The following LRP6 variants were observed in gnomAD, a reference collection of about 807,000 sequenced individuals.
LRP6 encodes the protein low-density lipoprotein receptor-related protein 6.
A neutral mutation model predicts 184.1 loss-of-function variants in LRP6; 43 were observed. The ratio of observed to expected loss-of-function variants is 0.23; its 90% CI spans 0.18 to 0.30. The LOEUF (loss-of-function observed/expected upper bound fraction) is 0.30. Among genes scored for constraint, LRP6 ranks in the 10% least tolerant of loss-of-function variants. The probability of loss-of-function intolerance (pLI) is 1.00; values close to 1 mark genes in which losing one functional copy is unlikely to be tolerated. For synonymous variants in LRP6, 719 were observed against 684.9 expected (o/e 1.05, Z -0.78); for missense variants, 1,571 against 2,005.3 (o/e 0.78, Z 4.14).
chr12:12,249,033 TC>T, intron 1 of LRP6: 1 of 659,700 alleles, frequency 1.5e-6, no homozygotes, highest in South Asian at 1.6e-5. Context: ...CCTTGCAATT[TC>T]CCACTTTTGG....
chr12:12,180,103 A>G lies in LRP6; in HGVS notation c.1374-122T>C, dbSNP rs566421714. The G allele has an allele frequency of 1.8e-3, 581 of 318,164 alleles. 1 individual carries two copies. Among genetic ancestry groups the G allele is most frequent in the African/African-American group, 0.011 (455 of 42,130 alleles). 19.7% of individuals were successfully genotyped at this position (318,164 alleles called of 1,614,324 possible). ...TCATCAGTTAATGCCAAGGAAGGGG[A>G]AAAAAAAAAAAACATATGAAGAGGT... is the stretch of plus-strand genomic sequence containing the variant. On this transcript the variant is annotated intron_variant, in intron 6 of 22. Coordinates refer to ENST00000261349, the MANE Select transcript of LRP6 (RefSeq NM_002336.3).
At chr12:12,254,232 A>C (rs1178994701) in intron 1 of LRP6, among the ~76,000 whole-genome samples, 1 of 152,064 alleles carries the variant, frequency 6.6e-6, no homozygotes, top group Non-Finnish European at 1.5e-5. Context: ...GGCATCACTT[A>C]AATAACTCTG....
At chr12:12,124,478 G>T in intron 22 of LRP6, 87 bp downstream of exon 22, 2 of 887,834 alleles carry the variant, frequency 2.3e-6, no homozygotes, top group Non-Finnish European at 1.9e-6. Context: ...GGTGACCATC[G>T]TCTACTCATT....
intron 4 of LRP6, among the ~76,000 whole-genome samples, chr12:12,184,479 C>A (rs1047549512): frequency 1.3e-5 from 2 of 151,962 alleles, no homozygotes; most frequent in Non-Finnish European, 2.9e-5. Flanking sequence ...GGGAAAAAAA[C>A]CGCTGAGGTT....
chr12:12,260,664 C>T (rs1387420542), intron 1 of LRP6, among the ~76,000 whole-genome samples: 2 of 152,312 alleles, frequency 1.3e-5, no homozygotes, highest in East Asian at 3.9e-4. Context: ...ACTGTGCGTT[C>T]TACTACCCCT....
At chr12:12,252,756 T>C (rs911399039) in intron 1 of LRP6, among the ~76,000 whole-genome samples, 3 of 152,208 alleles carry the variant, frequency 2.0e-5, no homozygotes, top group Non-Finnish European at 2.9e-5. Flanking sequence ...TGCTATTATA[T>C]AGAAGTTAAC....
chr12:12,195,066 G>T (rs769747834), intron 3 of LRP6, among the ~76,000 whole-genome samples: 9 of 152,132 alleles, frequency 5.9e-5, no homozygotes, highest in African/African-American at 9.6e-5. Context: ...GTATTCCATT[G>T]TGTATATATA....
chr12:12,249,350 C>T lies in LRP6; in HGVS notation c.56-4695G>A, dbSNP rs1236846650. 5.5e-5 allele frequency: 63 copies of T among 1,137,702 alleles called. No individual in the cohort carries two copies. In the East Asian group the frequency reaches 1.4e-3, roughly 25 times the overall value. The allele number at this position is 1,137,702 out of a possible 1,614,324, so 70.5% of individuals were successfully genotyped here. A position where few individuals can be genotyped will look rare whatever the true frequency, so the allele number is the denominator to read the frequency against. ...AATTCACAGCACCAAAGTTGTCCTGCAAGAGCTTTGGCGCCTAATGGTGTC... is the reference window on the plus strand; with the variant it reads ...AATTCACAGCACCAAAGTTGTCCTGTAAGAGCTTTGGCGCCTAATGGTGTC... On this transcript the variant is annotated intron_variant, in intron 1 of 22. Coordinates refer to ENST00000261349, the MANE Select transcript of LRP6 (RefSeq NM_002336.3).
At chr12:12,213,377 A>AT (rs1186949678) in intron 2 of LRP6, among the ~76,000 whole-genome samples, 1 of 151,740 alleles carries the variant, frequency 6.6e-6, no homozygotes, top group Non-Finnish European at 1.5e-5. Flanking sequence ...AACATTTACT[A>AT]TTTTTTTCAG....
At chr12:12,161,482 C>G (rs1331308289) in intron 10 of LRP6, among the ~76,000 whole-genome samples, 1 of 152,102 alleles carries the variant, frequency 6.6e-6, no homozygotes, top group Non-Finnish European at 1.5e-5. Context: ...GTTGGCCAGG[C>G]TGGTCTCGAA....
At chr12:12,253,725 T>C (rs1865386825) in intron 1 of LRP6, among the ~76,000 whole-genome samples, 1 of 152,126 alleles carries the variant, frequency 6.6e-6, no homozygotes, top group Non-Finnish European at 1.5e-5. Flanking sequence ...AGATTATCAG[T>C]AATAGGTTAA....
intron 1 of LRP6, among the ~76,000 whole-genome samples, chr12:12,252,019 G>A (rs1485303832): frequency 6.6e-6 from 1 of 152,046 alleles, no homozygotes; most frequent in Non-Finnish European, 1.5e-5. Flanking sequence ...TCAGCCTCCT[G>A]AGGAGCTAGA....
intron 3 of LRP6, among the ~76,000 whole-genome samples, chr12:12,193,344 G>A (rs963204274): frequency 1.3e-5 from 2 of 150,382 alleles, no homozygotes; most frequent in South Asian, 2.1e-4. Flanking sequence ...CAAAGCAAGT[G>A]TAAGGAAGAA....
chr12:12,174,758 T>C (rs1479669534), intron 7 of LRP6, among the ~76,000 whole-genome samples: 1 of 152,216 alleles, frequency 6.6e-6, no homozygotes, highest in African/African-American at 2.4e-5. Context: ...GCTTAGAATA[T>C]GAAACAGAAC....
At chr12:12,239,905 GACAAT>G (rs1357956374) in intron 2 of LRP6, among the ~76,000 whole-genome samples, 10 of 151,156 alleles carry the variant, frequency 6.6e-5, no homozygotes, top group Non-Finnish European at 1.5e-4. Context: ...TAAAAAAGTA[GACAAT>G]ACAATTGAAA....
intron 2 of LRP6, among the ~76,000 whole-genome samples, chr12:12,222,424 C>T (rs1399510656): frequency 2.6e-5 from 4 of 151,780 alleles, no homozygotes; most frequent in Admixed American, 6.6e-5. Flanking sequence ...AAAAATTAGC[C>T]GGTCGTCGTG....
At chr12:12,255,566 C>CTTTTTTTTTTTTTT (rs749441005) in intron 1 of LRP6, among the ~76,000 whole-genome samples, 9 of 114,140 alleles carry the variant, frequency 7.9e-5, no homozygotes, top group African/African-American at 2.8e-4. Context: ...GGTTTGGTCA[C>CTTTTTTTTTTTTTT]TTTTTTTTTT....
chr12:12,153,076 C>T (rs994287775), intron 12 of LRP6, among the ~76,000 whole-genome samples: 9 of 152,272 alleles, frequency 5.9e-5, no homozygotes, highest in African/African-American at 1.4e-4. Flanking sequence ...GTCCATACTT[C>T]GAGTAGTAAA....
chr12:12,171,250 C>T (rs12580417), intron 7 of LRP6, among the ~76,000 whole-genome samples: 30,410 of 152,132 alleles, frequency 0.2, 3,672 homozygotes, highest in African/African-American at 0.33. Flanking sequence ...AGCGCGGTGG[C>T]TCACGCCTGT....
Sources: gnomAD v4.1 joint callset for allele counts (sites outside exome capture counted in the v4.1 genomes callset) on GRCh38, gnomAD v4.1.1 for gene constraint, MANE v1.5 for transcripts, NCBI Gene and HGNC (gene_info 2026-07-23, HGNC 2026-07-21) for gene names.